The following ALDH16A1 variants were observed in gnomAD, a reference collection of about 807,000 sequenced individuals.
ALDH16A1 encodes aldehyde dehydrogenase 16 family member A1.
ALDH16A1 carries 88 observed loss-of-function variants against 96.1 expected under a neutral mutation model. That is an observed-to-expected ratio of 0.92 (90% CI 0.77 to 1.09). The LOEUF (loss-of-function observed/expected upper bound fraction) is 1.09. Among genes scored for constraint, ALDH16A1 ranks in the 50% least tolerant of loss-of-function variants. The pLI, the probability that ALDH16A1 is intolerant of heterozygous loss-of-function variation, is 0.00. For missense variants in ALDH16A1, 1,250 were observed against 1,112.6 expected, an observed-to-expected ratio of 1.12 and a Z score of -1.76; for synonymous variants, 522 against 496.4, an observed-to-expected ratio of 1.05 and a Z score of -0.69.
Position 49,461,648 on chromosome 19 carries a change from G to A in ALDH16A1, c.607G>A (p.Ala203Thr), listed in dbSNP as rs2079147716. ...GCTVVALVPP[A>T]SPAPLLLAQL... is the part of the protein sequence containing the mutation. ...CACCGTGGTGGCCCTCGTGCCCCCG[G>A]CCTCCCCGGCGCCCCTCCTCCTGGC... Residue 203 changes from alanine to threonine, a missense_variant, in exon 6 of 17, where the codon GCC becomes ACC. Physicochemically the swap from Ala to Thr is moderately conservative, Grantham distance 58 (BLOSUM62 0). Coordinates refer to ENST00000293350, the MANE Select transcript of ALDH16A1 (RefSeq NM_153329.4). The A allele has an allele frequency of 2.5e-6, 4 of 1,601,402 alleles. No homozygotes were observed. The highest frequency in any genetic ancestry group is 2.2e-5 in the South Asian group (2 of 89,536).
At position 49,470,519 on chromosome 19, in the gene ALDH16A1, C is replaced by A; in HGVS notation, c.*52C>A. The stretch of plus-strand genomic sequence containing the variant: ...GGACACCTCACACCAAGGGGAGATG[C>A]ACCCCACAGACACCTGGGACTTTCC... On this transcript the variant is annotated 3_prime_UTR_variant, in exon 17 of 17. Coordinates refer to ENST00000293350, the MANE Select transcript of ALDH16A1 (RefSeq NM_153329.4). 6.9e-7 allele frequency: 1 copy of A among 1,450,794 alleles called. No homozygotes were observed. The highest frequency in any genetic ancestry group is 1.4e-5 in the African/African-American group (1 of 69,120). The allele number at this position is 1,450,794 out of a possible 1,614,324, so 89.9% of individuals were successfully genotyped here.
rs918914893 is a variant in ALDH16A1 at position 49,468,882 on chromosome 19, C to G, written c.2143C>G (p.Pro715Ala). The G allele has an allele frequency of 6.2e-7, 1 of 1,613,812 alleles. No homozygotes were observed. Among genetic ancestry groups the G allele is most frequent in the Non-Finnish European group, 8.5e-7 (1 of 1,179,950 alleles). ...EVCQDMATVF[P>A]AGLANVVTGD... ...CCCCTAGGACATGGCCACCGTGTTC[C>G]CAGCAGGCCTGGCCAACGTGGTGAC... is the stretch of plus-strand genomic sequence containing the variant. Residue 715 changes from proline to alanine, a missense_variant, in exon 16 of 17, where the codon CCA becomes GCA. Physicochemically the swap from Pro to Ala is conservative, Grantham distance 27. Transcript: ENST00000293350. The surrounding 1 kb of genome is among the most constrained non-coding windows in gnomAD (Gnocchi z 4.4).
intron 11 of ALDH16A1, 28 bp downstream of exon 11, chr19:49,464,550 C>CT: frequency 6.2e-7 from 1 of 1,612,478 alleles, no homozygotes; most frequent in Non-Finnish European, 8.5e-7. Context: ...CCGTCACCAG[C>CT]CCCCCCGCCG....
chr19:49,465,616 A>T, intron 12 of ALDH16A1, 122 bp from the exon 13 acceptor site: 1 of 1,207,810 alleles, frequency 8.3e-7, no homozygotes, highest in Non-Finnish European at 1.2e-6. Flanking sequence ...GCTCATGGGA[A>T]CAGGGGTTTG....
intron 1 of ALDH16A1, among the ~76,000 whole-genome samples, chr19:49,457,417 A>G (rs892064167): frequency 1.3e-5 from 2 of 149,978 alleles, no homozygotes; most frequent in Admixed American, 6.7e-5. Context: ...GCGTGGTGGC[A>G]GGCGCATGTA....
rs555783002 is a variant in ALDH16A1 at position 49,469,213 on chromosome 19, G to C, written c.2247+227G>C. The C allele has an allele frequency of 5.8e-5, 29 of 499,996 alleles. No homozygotes were observed. The South Asian group carries it at 8.3e-4, about 14-fold the overall frequency. The allele number at this position is 499,996 out of a possible 1,614,324, so 31.0% of individuals were successfully genotyped here. ...CTAGCCCAAAGACCTCGTCTCAGGG[G>C]ACAGCCCGTTGCTAAGGACCACACC... On this transcript the variant is annotated intron_variant, in intron 16 of 16. Transcript: ENST00000293350.
At chr19:49,462,788 G>A (rs765790459) in intron 8 of ALDH16A1, 33 bp downstream of exon 8, 1 of 1,510,836 alleles carries the variant, frequency 6.6e-7, no homozygotes, top group South Asian at 1.3e-5. Context: ...GAGGGTGTCA[G>A]GGGAGGAGGG....
At chr19:49,462,435 T>C (rs2079158315) in intron 7 of ALDH16A1, 135 bp from the exon 8 acceptor site, 1 of 1,167,780 alleles carries the variant, frequency 8.6e-7, no homozygotes, top group Admixed American at 2.4e-5. Flanking sequence ...GCATCCGGCC[T>C]CTCTGTTCTT....
At chr19:49,464,018 A>G (rs1232100792) in intron 9 of ALDH16A1, 69 bp downstream of exon 9, 2 of 1,578,072 alleles carry the variant, frequency 1.3e-6, no homozygotes, top group African/African-American at 1.4e-5. Flanking sequence ...TGCCTGGGGA[A>G]GCCCTTGGGG....
At chr19:49,464,294 TCTC>T in intron 10 of ALDH16A1, 31 bp downstream of exon 10, 1 of 1,594,948 alleles carries the variant, frequency 6.3e-7, no homozygotes. Context: ...CGCTCACTCC[TCTC>T]CTCATTCTTC....
intron 14 of ALDH16A1, among the ~76,000 whole-genome samples, chr19:49,466,629 G>A (rs2079201582): frequency 6.6e-6 from 1 of 152,004 alleles, no homozygotes; most frequent in African/African-American, 2.4e-5. Flanking sequence ...GCGAGGCTGA[G>A]GCAGGCGGAT....
chr19:49,463,923 C>T lies in ALDH16A1; in HGVS notation c.1168C>T (p.Pro390Ser). Residue 390 changes from proline to serine, a missense_variant, in exon 9 of 17, where the codon CCA becomes TCA. Physicochemically the swap from Pro to Ser is moderately conservative, Grantham distance 74. Coordinates refer to ENST00000293350, the MANE Select transcript of ALDH16A1 (RefSeq NM_153329.4). ...CCCAACCTTGGTCTCCAACCTGCCC[C>T]CAGCCTCCCCATGTGCCCAGGTGGA... ...YPPTLVSNLPPASPCAQVEVP... is the reference protein window; with the variant it reads ...YPPTLVSNLPSASPCAQVEVP... 6.2e-7 allele frequency: 1 copy of T among 1,612,292 alleles called. No homozygotes were observed. The highest frequency in any genetic ancestry group is 8.5e-7 in the Non-Finnish European group (1 of 1,179,026).
At chr19:49,467,574 A>G (rs1484263102) in intron 14 of ALDH16A1, among the ~76,000 whole-genome samples, 1 of 147,932 alleles carries the variant, frequency 6.8e-6, no homozygotes, top group East Asian at 2.1e-4. Context: ...TTTTTTTTGT[A>G]TATTTAGTAG....
At chr19:49,456,025 G>C (rs1224650123) in intron 1 of ALDH16A1, among the ~76,000 whole-genome samples, 1 of 152,290 alleles carries the variant, frequency 6.6e-6, no homozygotes, top group East Asian at 1.9e-4. Context: ...AATAGCTCCT[G>C]TCTTTTCCAT....
chr19:49,469,048 C>G, intron 16 of ALDH16A1, 62 bp downstream of exon 16: 2 of 1,559,016 alleles, frequency 1.3e-6, no homozygotes, highest in Non-Finnish European at 1.7e-6. Context: ...TCCTCCTTTT[C>G]TGGAAACACA....
In ALDH16A1 at chr19:49,463,965, C is replaced by G; in HGVS notation, c.1194+16C>G. On this transcript the variant is annotated intron_variant, in intron 9 of 16. Transcript: ENST00000293350. ...CCAGGTGGAGGTGAGACCCTTAAGG[C>G]TGCAGAGCTCCTACCCACCGCCAGC... 1.9e-6 allele frequency: 3 copies of G among 1,600,160 alleles called. No individual in the cohort carries two copies. The highest frequency in any genetic ancestry group is 2.6e-6 in the Non-Finnish European group (3 of 1,172,396).
chr19:49,469,647 CT>C (rs2079229002), intron 16 of ALDH16A1: 1 of 150,848 alleles, frequency 6.6e-6, no homozygotes, highest in Non-Finnish European at 1.5e-5. Flanking sequence ...GTGGCACGAT[CT>C]TGGCTCACTG....
chr19:49,459,906 A>G lies in ALDH16A1; in HGVS notation c.499+58A>G. On this transcript the variant is annotated intron_variant, in intron 4 of 16. Transcript: ENST00000293350. This position sits in a 1 kb window ranked among gnomAD's most constrained non-coding sequence, Gnocchi z 4.1. ...CACATGACTCAGCAGTGCTAGCTCC[A>G]GTCCCCTCATTCTTTTTCTTTTAGA... The G allele has an allele frequency of 6.5e-7, 1 of 1,534,022 alleles. No individual in the cohort carries two copies.
intron 1 of ALDH16A1, among the ~76,000 whole-genome samples, chr19:49,457,318 C>A (rs976543572): frequency 6.6e-6 from 1 of 151,834 alleles, no homozygotes; most frequent in Non-Finnish European, 1.5e-5. Context: ...GAGGCCGAGG[C>A]GGGCGGATCA....
Sources: gnomAD v4.1 joint callset for allele counts (sites outside exome capture counted in the v4.1 genomes callset) on GRCh38, gnomAD v4.1.1 for gene constraint, Gnocchi (gnomAD v3.1) non-coding constraint, MANE v1.5 for transcripts, NCBI Gene and HGNC (gene_info 2026-07-23, HGNC 2026-07-21) for gene names.